Variants in HGD observed in about 807,000 individuals in gnomAD.
The protein encoded by HGD is homogentisate 1,2-dioxygenase.
Under a neutral mutation model 60.8 loss-of-function variants are expected in HGD, and 61 were observed. The ratio of observed to expected loss-of-function variants is 1.00; its 90% CI spans 0.82 to 1.24. HGD has a LOEUF of 1.24. Ranked by LOEUF, HGD falls within the 50% of genes most tolerant of loss-of-function variation. The pLI, the probability that HGD is intolerant of heterozygous loss-of-function variation, is 0.00. For missense variants in HGD, 542 were observed against 547.1 expected (o/e 0.99, Z 0.09); for synonymous variants, 212 against 187.7 (o/e 1.13, Z -1.06).
At chr3:120,669,168 G>A (rs1033146609) in intron 4 of HGD, among the ~76,000 whole-genome samples, 1 of 151,984 alleles carries the variant, frequency 6.6e-6, no homozygotes, top group Non-Finnish European at 1.5e-5. Context: ...AGCCCAGATA[G>A]CAAGACTCTC....
intron 1 of HGD, 66 bp from the exon 2 acceptor site, chr3:120,675,929 A>C: frequency 8.2e-7 from 1 of 1,224,660 alleles, no homozygotes; most frequent in Non-Finnish European, 1.2e-6. Context: ...GAAAATTGGC[A>C]GTTTACTAAG....
chr3:120,653,417 C>T (rs980741545), intron 4 of HGD, among the ~76,000 whole-genome samples: 36 of 152,106 alleles, frequency 2.4e-4, no homozygotes, highest in Admixed American at 1.1e-3. Flanking sequence ...TTTCATGGAG[C>T]GACCCGCACC....
intron 4 of HGD, among the ~76,000 whole-genome samples, chr3:120,654,800 C>T (rs538201658): frequency 1.1e-4 from 17 of 152,266 alleles, no homozygotes; most frequent in East Asian, 3.9e-4. Context: ...AGGCCAGGGG[C>T]GGTGGCTCAC....
chr3:120,661,438 G>T (rs544304219), intron 4 of HGD, among the ~76,000 whole-genome samples: 1 of 152,298 alleles, frequency 6.6e-6, no homozygotes, highest in African/African-American at 2.4e-5. Flanking sequence ...TATGCTAGAT[G>T]CTGGAGGTGA....
chr3:120,674,911 T>C lies in HGD; in HGVS notation c.166A>G (p.Asn56Asp). ...ATCTAATCCTTGTACCTTCTCTTATTGGTGCTCCGTGGACAAGTGAAAGCC... is the reference window on the plus strand; with the variant it reads ...ATCTAATCCTTGTACCTTCTCTTATCGGTGCTCCGTGGACAAGTGAAAGCC... ...GSAFTCPRSTNKRSWLYRILP... is the reference protein window; with the variant it reads ...GSAFTCPRSTDKRSWLYRILP... The change falls in exon 3 of 14, where the codon AAT (asparagine) becomes GAT (aspartate). Residue 56 changes from asparagine (N) to aspartate (D), a missense_variant. By Grantham distance (23) the Asn-to-Asp change is conservative (BLOSUM62 1). Coordinates refer to ENST00000283871, the MANE Select transcript of HGD (RefSeq NM_000187.4). The C allele has an allele frequency of 6.2e-7, 1 of 1,606,928 alleles. No homozygotes were observed. The highest frequency in any genetic ancestry group is 8.5e-7 in the Non-Finnish European group (1 of 1,173,812).
chr3:120,643,704 A>G (rs1020705219), intron 10 of HGD, among the ~76,000 whole-genome samples: 1 of 152,212 alleles, frequency 6.6e-6, no homozygotes, highest in African/African-American at 2.4e-5. Context: ...TTCTTATTAT[A>G]TGATTATTTT....
At chr3:120,676,263 C>T (rs1421978919) in intron 1 of HGD, among the ~76,000 whole-genome samples, 1 of 152,206 alleles carries the variant, frequency 6.6e-6, no homozygotes, top group Non-Finnish European at 1.5e-5. Flanking sequence ...ACTAGCCTTG[C>T]TGTAGGCAGA....
chr3:120,662,592 C>G (rs1404053972), intron 4 of HGD, among the ~76,000 whole-genome samples: 1 of 152,168 alleles, frequency 6.6e-6, no homozygotes, highest in Non-Finnish European at 1.5e-5. Context: ...CATCACCATT[C>G]TATGGACTTG....
chr3:120,633,466 G>A, intron 12 of HGD, 138 bp from the exon 13 acceptor site: 3 of 1,553,770 alleles, frequency 1.9e-6, no homozygotes, highest in Non-Finnish European at 2.6e-6. Context: ...TAAAGAATAT[G>A]GATTGACAGA....
At chr3:120,668,645 A>G (rs1479231176) in intron 4 of HGD, among the ~76,000 whole-genome samples, 1 of 152,242 alleles carries the variant, frequency 6.6e-6, no homozygotes, top group Non-Finnish European at 1.5e-5. Context: ...GGTAAATATA[A>G]ATAGCTGTAT....
intron 4 of HGD, among the ~76,000 whole-genome samples, chr3:120,669,067 A>G (rs1042626004): frequency 6.6e-5 from 10 of 152,200 alleles, no homozygotes; most frequent in Non-Finnish European, 8.8e-5. Context: ...TTACTAGACC[A>G]AAAGGAGGAA....
intron 4 of HGD, among the ~76,000 whole-genome samples, chr3:120,669,253 G>A (rs1241431372): frequency 6.7e-6 from 1 of 149,716 alleles, no homozygotes; most frequent in Non-Finnish European, 1.5e-5. Context: ...TTTGTGGTAA[G>A]TTTAGATTAA....
intron 13 of HGD, among the ~76,000 whole-genome samples, chr3:120,632,546 T>A (rs1448429504): frequency 1.3e-5 from 2 of 152,226 alleles, no homozygotes; most frequent in Admixed American, 6.5e-5. Context: ...AAAAAACAGC[T>A]GAGAATTGCT....
chr3:120,652,507 C>T (rs969559100), intron 5 of HGD, 85 bp downstream of exon 5: 21 of 980,738 alleles, frequency 2.1e-5, no homozygotes, highest in Non-Finnish European at 3.4e-5. Flanking sequence ...GCTGCTTCTG[C>T]TTGGCATTCA....
chr3:120,652,539 T>A, intron 5 of HGD, 53 bp downstream of exon 5: 1 of 1,380,410 alleles, frequency 7.2e-7, no homozygotes, highest in Admixed American at 1.7e-5. Flanking sequence ...GTTGGCTCAC[T>A]CACCACAGAA....
intron 12 of HGD, among the ~76,000 whole-genome samples, chr3:120,637,944 G>A (rs1182629995): frequency 1.3e-5 from 2 of 152,182 alleles, no homozygotes; most frequent in African/African-American, 4.8e-5. Flanking sequence ...GGTTTGAGGT[G>A]TTTGGGTAAT....
intron 13 of HGD, among the ~76,000 whole-genome samples, chr3:120,630,590 G>A (rs961377450): frequency 8.6e-5 from 13 of 151,764 alleles, no homozygotes; most frequent in Non-Finnish European, 5.9e-5. Flanking sequence ...GATTTAAACT[G>A]GACCGCTTCC....
chr3:120,652,500 G>A, intron 5 of HGD, 92 bp downstream of exon 5: 1 of 909,554 alleles, frequency 1.1e-6, no homozygotes. Flanking sequence ...TGATAGGGCT[G>A]CTTCTGCTTG....
rs1940651930 is a variant in HGD at position 120,633,338 on chromosome 3, T to G, written c.1007-10A>C. ...TCACTCATGCAGTTCCCTGGGAAGG[T>G]TGAAGCAGTATTATTTTTATTATCC... On this transcript the variant is annotated splice_polypyrimidine_tract_variant and intron_variant, in intron 12 of 13. Transcript: ENST00000283871. 1 of 1,614,002 alleles carries G rather than the reference T, an allele frequency of 6.2e-7. No homozygotes were observed. Among genetic ancestry groups the G allele is most frequent in the South Asian group, 1.1e-5 (1 of 91,082 alleles).
Sources: allele counts gnomAD v4.1 joint callset (sites outside exome capture counted in the v4.1 genomes callset), GRCh38; gene constraint gnomAD v4.1.1; transcripts MANE v1.5; gene names NCBI Gene and HGNC (gene_info 2026-07-23, HGNC 2026-07-21).